Variants in FILIP1L observed in about 807,000 individuals in gnomAD.
The protein encoded by FILIP1L is filamin A-interacting protein 1-like.
A neutral mutation model predicts 96.6 loss-of-function variants in FILIP1L; 55 were observed. That is an observed-to-expected ratio of 0.57 (90% CI 0.46 to 0.71). The LOEUF (loss-of-function observed/expected upper bound fraction) is 0.71, where lower values mean the gene tolerates loss of function less well. Among genes scored for constraint, FILIP1L ranks in the 30% least tolerant of loss-of-function variants. FILIP1L has a pLI of 0.00. For missense variants in FILIP1L, 1,304 were observed against 1,321.2 expected, an observed-to-expected ratio of 0.99 and a Z score of 0.20; for synonymous variants, 467 against 473.9, an observed-to-expected ratio of 0.99 and a Z score of 0.19.
chr3:99,979,565 A>G (rs1294305722), intron 1 of FILIP1L, among the ~76,000 whole-genome samples: 1 of 152,228 alleles, frequency 6.6e-6, no homozygotes, highest in African/African-American at 2.4e-5. Context: ...GAGAAACAGG[A>G]TAAAACTCCT....
intron 4 of FILIP1L, among the ~76,000 whole-genome samples, chr3:99,906,250 G>C (rs566363686): frequency 6.6e-6 from 1 of 152,096 alleles, no homozygotes; most frequent in East Asian, 1.9e-4. Flanking sequence ...GTACTCCCTC[G>C]TTGTAAATTT....
intron 1 of FILIP1L, among the ~76,000 whole-genome samples, chr3:99,944,657 C>G (rs1385017215): frequency 6.6e-6 from 1 of 152,212 alleles, no homozygotes. Context: ...AGTGGCAGAA[C>G]AGGAATTCAA....
chr3:99,970,965 C>T (rs192553573), intron 1 of FILIP1L, among the ~76,000 whole-genome samples: 19 of 152,294 alleles, frequency 1.2e-4, no homozygotes, highest in Non-Finnish European at 2.4e-4. Flanking sequence ...GGCAGTGCTC[C>T]TACCTGTGTG....
chr3:99,942,394 G>A (rs1467486114), intron 1 of FILIP1L, among the ~76,000 whole-genome samples: 1 of 152,076 alleles, frequency 6.6e-6, no homozygotes, highest in Non-Finnish European at 1.5e-5. Flanking sequence ...AAATAAATAT[G>A]GCAAAATATT....
chr3:100,018,666 T>C (rs529932241), intron 1 of FILIP1L, among the ~76,000 whole-genome samples: 1 of 145,298 alleles, frequency 6.9e-6, no homozygotes, highest in East Asian at 2.0e-4. Flanking sequence ...GGATATGATA[T>C]CAAAGCACAG....
chr3:99,976,206 G>C (rs1380105231), intron 1 of FILIP1L, among the ~76,000 whole-genome samples: 1 of 152,152 alleles, frequency 6.6e-6, no homozygotes, highest in Admixed American at 6.5e-5. Context: ...AAAGCACTTA[G>C]AAGGTGGAAC....
intron 1 of FILIP1L, among the ~76,000 whole-genome samples, chr3:100,110,466 A>C (rs2066472282): frequency 6.6e-6 from 1 of 152,180 alleles, no homozygotes; most frequent in Admixed American, 6.6e-5. Context: ...TGGATCCATC[A>C]TGAAGATACC....
chr3:99,911,517 T>C (rs1195396412), intron 4 of FILIP1L, among the ~76,000 whole-genome samples: 2 of 151,984 alleles, frequency 1.3e-5, no homozygotes, highest in African/African-American at 2.4e-5. Context: ...AAATCCAAGG[T>C]TGTGGCATAC....
intron 1 of FILIP1L, among the ~76,000 whole-genome samples, chr3:99,993,724 A>T (rs1231511176): frequency 6.6e-6 from 1 of 152,130 alleles, no homozygotes; most frequent in Non-Finnish European, 1.5e-5. Flanking sequence ...TTCTGTGTAT[A>T]TTGAGATAAT....
chr3:100,071,549 G>A (rs1196311103), intron 1 of FILIP1L, among the ~76,000 whole-genome samples: 1 of 152,168 alleles, frequency 6.6e-6, no homozygotes, highest in Admixed American at 6.5e-5. Flanking sequence ...TAGCCCAAGG[G>A]TGTGGGTCTT....
chr3:99,857,631 G>A lies in FILIP1L; in HGVS notation c.606-6561C>T, dbSNP rs552762140. Among the ~76,000 whole-genome samples, 658 of 152,314 alleles carry A rather than the reference G, an allele frequency of 4.3e-3. 2 individuals are homozygous for A. Among genetic ancestry groups the A allele is most frequent in the Non-Finnish European group, 7.2e-3 (489 of 68,024 alleles). ...AATTATGTTTCTGTTTTCACAGATT[G>A]TTTTGCAGTTTTTCAGATGCTTGGT... On this transcript the variant is annotated intron_variant, in intron 4 of 5. Coordinates refer to ENST00000477258, the MANE Select transcript of FILIP1L (RefSeq NM_001387850.1).
At chr3:100,057,558 G>A (rs1475176178) in intron 1 of FILIP1L, among the ~76,000 whole-genome samples, 1 of 152,204 alleles carries the variant, frequency 6.6e-6, no homozygotes, top group Non-Finnish European at 1.5e-5. Flanking sequence ...ATATGTCTCT[G>A]TAAAAGTCTG....
chr3:99,985,498 A>G (rs1709312208), intron 1 of FILIP1L, among the ~76,000 whole-genome samples: 1 of 152,164 alleles, frequency 6.6e-6, no homozygotes, highest in Admixed American at 6.5e-5. Flanking sequence ...ACCCTGTCTC[A>G]AAAAAACAAG....
intron 1 of FILIP1L, among the ~76,000 whole-genome samples, chr3:100,067,166 CGTTTGTTTGTTTGTTT>C (rs4062235): frequency 6.6e-6 from 1 of 150,866 alleles, no homozygotes; most frequent in Non-Finnish European, 1.5e-5. Flanking sequence ...TTTTTGATCT[CGTTTGTTTGTTTGTTT>C]GTTTGTTTGT....
At chr3:99,933,240 A>C (rs1250677284) in intron 1 of FILIP1L, among the ~76,000 whole-genome samples, 1 of 152,206 alleles carries the variant, frequency 6.6e-6, no homozygotes, top group African/African-American at 2.4e-5. Context: ...CCTTGTCCGA[A>C]AAATGCCTAT....
At chr3:99,840,326 C>T (rs1425883546) in intron 5 of FILIP1L, among the ~76,000 whole-genome samples, 3 of 143,794 alleles carry the variant, frequency 2.1e-5, no homozygotes, top group South Asian at 4.3e-4. Flanking sequence ...CGGGTTGAAG[C>T]GATTCTCCTG....
At chr3:99,920,909 A>T (rs1707105136) in intron 4 of FILIP1L, among the ~76,000 whole-genome samples, 1 of 152,234 alleles carries the variant, frequency 6.6e-6, no homozygotes, top group African/African-American at 2.4e-5. Flanking sequence ...AGGTAGATAC[A>T]AACCAACACT....
chr3:100,018,443 G>C (rs902065414), intron 1 of FILIP1L, among the ~76,000 whole-genome samples: 3 of 152,060 alleles, frequency 2.0e-5, no homozygotes, highest in African/African-American at 7.2e-5. Context: ...GAGTTGAGAG[G>C]GCCCTTCAAA....
At position 99,848,699 on chromosome 3, in the gene FILIP1L, G is replaced by A. The variant is rs764769452; in HGVS notation, c.2977C>T (p.Leu993=). 1 of 1,614,194 alleles carries A rather than the reference G, an allele frequency of 6.2e-7. No individual in the cohort carries two copies. The highest frequency in any genetic ancestry group is 1.1e-5 in the South Asian group (1 of 91,082). The part of the protein sequence containing the change: ...RAQTPESCGS[L]TPERTMSPIQ... ...GGGGACATTGTCCTTTCTGGAGTTA[G>A]AGAACCACAAGACTCTGGGGTCTGT... The change falls in exon 5 of 6, where the codon CTA becomes TTA. Residue 993 remains leucine, a synonymous_variant. Coordinates refer to ENST00000477258, the MANE Select transcript of FILIP1L (RefSeq NM_001387850.1).
Sources: allele counts gnomAD v4.1 joint callset (sites outside exome capture counted in the v4.1 genomes callset), GRCh38; gene constraint gnomAD v4.1.1; transcripts MANE v1.5; gene names NCBI Gene and HGNC (gene_info 2026-07-23, HGNC 2026-07-21).